The following FOXN3 variants were observed in gnomAD, a reference collection of about 807,000 sequenced individuals.
The protein encoded by FOXN3 is forkhead box protein N3.
Under a neutral mutation model 38.4 loss-of-function variants are expected in FOXN3, and 7 were observed. The observed-to-expected ratio is 0.18, with a 90% CI of 0.10 to 0.34. The LOEUF (loss-of-function observed/expected upper bound fraction) is 0.34, where lower values mean the gene tolerates loss of function less well. FOXN3 is among the 10% of genes least tolerant of loss of function. The pLI is 1.00. For missense variants in FOXN3, 456 were observed against 613.4 expected (o/e 0.74, Z 2.71); for synonymous variants, 230 against 242.2 (o/e 0.95, Z 0.47).
intron 3 of FOXN3, among the ~76,000 whole-genome samples, chr14:89,324,208 T>A (rs748667706): frequency 2.0e-4 from 31 of 152,208 alleles, no homozygotes; most frequent in Non-Finnish European, 2.6e-4. Flanking sequence ...ATTTCTCCAA[T>A]GGGCATCAAA....
chr14:89,457,211 T>C (rs1232242707), intron 1 of FOXN3, among the ~76,000 whole-genome samples: 2 of 152,188 alleles, frequency 1.3e-5, no homozygotes, highest in Admixed American at 1.3e-4. Flanking sequence ...ATATTGTCAG[T>C]TGGTGCATTC....
chr14:89,554,739 T>G (rs1293472645), intron 1 of FOXN3, among the ~76,000 whole-genome samples: 1 of 150,566 alleles, frequency 6.6e-6, no homozygotes, highest in Non-Finnish European at 1.5e-5. Flanking sequence ...CTAAATCTAC[T>G]GCTGCATCAT....
At chr14:89,413,183 A>C (rs1158331314) in intron 1 of FOXN3, among the ~76,000 whole-genome samples, 1 of 152,194 alleles carries the variant, frequency 6.6e-6, no homozygotes, top group Non-Finnish European at 1.5e-5. Flanking sequence ...AGCATGTTCA[A>C]CCCTCCAGCA....
At chr14:89,172,332 C>T (rs1447530983) in intron 5 of FOXN3, among the ~76,000 whole-genome samples, 2 of 152,166 alleles carry the variant, frequency 1.3e-5, no homozygotes, top group African/African-American at 4.8e-5. Flanking sequence ...AGCAACCCTC[C>T]CGCCTCAGCC....
intron 1 of FOXN3, among the ~76,000 whole-genome samples, chr14:89,530,889 G>A (rs898026011): frequency 2.9e-4 from 43 of 149,904 alleles, no homozygotes; most frequent in African/African-American, 1.0e-3. Flanking sequence ...GGATTACGGT[G>A]TGAGCCACCA....
intron 5 of FOXN3, among the ~76,000 whole-genome samples, chr14:89,173,543 T>C (rs1037011800): frequency 6.6e-6 from 1 of 152,178 alleles, no homozygotes; most frequent in Non-Finnish European, 1.5e-5. Context: ...GATCCAAATG[T>C]CTTTTTTAAA....
chr14:89,507,731 A>G (rs1318384902), intron 1 of FOXN3, among the ~76,000 whole-genome samples: 2 of 152,222 alleles, frequency 1.3e-5, no homozygotes, highest in Non-Finnish European at 2.9e-5. Flanking sequence ...CTACCTGCTC[A>G]TCAATGCTGC....
At chr14:89,587,766 T>A (rs915612946) in intron 1 of FOXN3, among the ~76,000 whole-genome samples, 1 of 149,544 alleles carries the variant, frequency 6.7e-6, no homozygotes, top group African/African-American at 2.5e-5. Context: ...TTCAGGAGGC[T>A]GAGGCAGGAA....
chr14:89,238,253 G>A (rs547551742), intron 4 of FOXN3, among the ~76,000 whole-genome samples: 1 of 152,144 alleles, frequency 6.6e-6, no homozygotes, highest in African/African-American at 2.4e-5. Context: ...AACATCAATG[G>A]TAACTGTGTT....
At chr14:89,395,305 C>G (rs1891071462) in intron 2 of FOXN3, among the ~76,000 whole-genome samples, 2 of 152,176 alleles carry the variant, frequency 1.3e-5, no homozygotes, top group African/African-American at 4.8e-5. Context: ...ACTGAATGAA[C>G]ACAGTGGGCC....
chr14:89,591,227 T>C (rs1411942377), intron 1 of FOXN3, among the ~76,000 whole-genome samples: 2 of 152,118 alleles, frequency 1.3e-5, no homozygotes, highest in East Asian at 3.9e-4. Context: ...TTCTCAACCC[T>C]GGGAGCCACA....
intron 2 of FOXN3, among the ~76,000 whole-genome samples, chr14:89,374,461 A>T (rs1472331044): frequency 1.6e-4 from 24 of 152,128 alleles, no homozygotes; most frequent in Admixed American, 1.6e-3. Context: ...ATCCACATAA[A>T]GACTTGTAAA....
At chr14:89,380,226 C>G (rs1374483638) in intron 2 of FOXN3, among the ~76,000 whole-genome samples, 2 of 152,286 alleles carry the variant, frequency 1.3e-5, no homozygotes, top group East Asian at 3.9e-4. Context: ...TGGGAGTTCC[C>G]CTGCACAAGT....
intron 3 of FOXN3, among the ~76,000 whole-genome samples, chr14:89,304,907 T>C (rs576983945): frequency 6.9e-6 from 1 of 145,586 alleles, no homozygotes; most frequent in South Asian, 2.1e-4. Context: ...AAGCTGACAG[T>C]GATCTGCGGA....
Position 89,377,052 on chromosome 14 carries a change from A to C in FOXN3, c.544-26244T>G, listed in dbSNP as rs965315145. On this transcript the variant is annotated intron_variant, in intron 2 of 5. Transcript: ENST00000557258. Reference sequence around the variant, plus strand: ...AAAAAAAAAAAAAAAAAAAAAAAAAAAAGCTTGAGCCTACATAAGCATTTG... The same window carrying C: ...AAAAAAAAAAAAAAAAAAAAAAAAACAAGCTTGAGCCTACATAAGCATTTG... Among the ~76,000 whole-genome samples, 962 of 136,674 alleles carry C rather than the reference A, an allele frequency of 7.0e-3. 14 individuals are homozygous for C. The highest frequency in any genetic ancestry group is 0.026 in the African/African-American group (930 of 35,824). 89.7% of individuals were successfully genotyped at this position (136,674 alleles called of 152,430 possible).
intron 2 of FOXN3, among the ~76,000 whole-genome samples, chr14:89,372,076 T>C (rs924327241): frequency 6.6e-6 from 1 of 152,090 alleles, no homozygotes; most frequent in Non-Finnish European, 1.5e-5. Flanking sequence ...GCCAGGACCG[T>C]GACTGACAAA....
intron 4 of FOXN3, among the ~76,000 whole-genome samples, chr14:89,209,310 C>T (rs893081427): frequency 6.6e-6 from 1 of 152,208 alleles, no homozygotes; most frequent in East Asian, 1.9e-4. Flanking sequence ...TTTACCTTTC[C>T]CCAATAGGTA....
chr14:89,282,117 A>T (rs1337261750), intron 3 of FOXN3, among the ~76,000 whole-genome samples: 1 of 152,120 alleles, frequency 6.6e-6, no homozygotes, highest in Admixed American at 6.5e-5. Context: ...TCATTACCAG[A>T]GGTACAAATA....
intron 1 of FOXN3, among the ~76,000 whole-genome samples, chr14:89,501,734 A>G (rs1305492462): frequency 1.2e-4 from 18 of 152,126 alleles, no homozygotes; most frequent in Admixed American, 1.2e-3. Flanking sequence ...TTAAAACACT[A>G]AATATGGGGA....
Sources: gnomAD v4.1 joint callset for allele counts (sites outside exome capture counted in the v4.1 genomes callset) on GRCh38, gnomAD v4.1.1 for gene constraint, MANE v1.5 for transcripts, NCBI Gene and HGNC (gene_info 2026-07-23, HGNC 2026-07-21) for gene names.